Variants in NUFIP1 observed in about 807,000 individuals in gnomAD.
NUFIP1 encodes the protein FMR1-interacting protein NUFIP1.
A neutral mutation model predicts 56.2 loss-of-function variants in NUFIP1; 38 were observed. That is an observed-to-expected ratio of 0.68 (90% CI 0.52 to 0.89). The LOEUF is 0.89. Among genes scored for constraint, NUFIP1 ranks in the 40% least tolerant of loss-of-function variants. The probability of loss-of-function intolerance (pLI) is 0.00; values close to 1 mark genes in which losing one functional copy is unlikely to be tolerated. For missense variants in NUFIP1, 567 were observed against 605.8 expected, an observed-to-expected ratio of 0.94 and a Z score of 0.67; for synonymous variants, 215 against 212.4, an observed-to-expected ratio of 1.01 and a Z score of -0.10.
intron 5 of NUFIP1, among the ~76,000 whole-genome samples, chr13:44,966,646 C>A (rs1871612770): frequency 6.6e-6 from 1 of 152,022 alleles, no homozygotes; most frequent in South Asian, 2.1e-4. Context: ...CAAATACATG[C>A]TAGGTATATC....
intron 5 of NUFIP1, among the ~76,000 whole-genome samples, chr13:44,968,796 A>G (rs1023892408): frequency 6.6e-6 from 1 of 152,216 alleles, no homozygotes; most frequent in Non-Finnish European, 1.5e-5. Flanking sequence ...ACAGTGTACT[A>G]CGTACCAGAG....
chr13:44,981,044 T>C (rs1230440943), intron 2 of NUFIP1, among the ~76,000 whole-genome samples: 1 of 152,244 alleles, frequency 6.6e-6, no homozygotes, highest in Admixed American at 6.5e-5. Context: ...TTTTAAACTT[T>C]TTTAATCCAA....
rs1566053877 is a variant in NUFIP1 at position 44,940,362 on chromosome 13, C to CATG, written c.*843_*844insCAT. On this transcript the variant is annotated 3_prime_UTR_variant, in exon 10 of 10. Coordinates refer to ENST00000379161, the MANE Select transcript of NUFIP1 (RefSeq NM_012345.3). ...CTTTCTTACCTTTCTTCCTTGACAG[C>CATG]AAGATTCATGAACTTCAATAATCAC... 1 of 152,200 alleles carries CATG rather than the reference C, an allele frequency of 6.6e-6. No individual in the cohort carries two copies. The highest frequency in any genetic ancestry group is 1.5e-5 in the Non-Finnish European group (1 of 68,036). The allele number at this position is 152,200 out of a possible 1,614,324, so 9.4% of individuals were successfully genotyped here.
chr13:44,945,925 A>G (rs1870889999), intron 8 of NUFIP1, among the ~76,000 whole-genome samples: 1 of 152,102 alleles, frequency 6.6e-6, no homozygotes, highest in Non-Finnish European at 1.5e-5. Flanking sequence ...TGTAGAAATT[A>G]TATTTGAAAA....
chr13:44,959,197 C>T (rs1593361816), intron 7 of NUFIP1, among the ~76,000 whole-genome samples, 184 bp downstream of exon 7: 1 of 152,298 alleles, frequency 6.6e-6, no homozygotes, highest in East Asian at 1.9e-4. Context: ...CCACCCAAGA[C>T]TCAGAAAAGA....
At chr13:44,955,253 A>C (rs944796144) in intron 7 of NUFIP1, among the ~76,000 whole-genome samples, 1 of 152,246 alleles carries the variant, frequency 6.6e-6, no homozygotes, top group Non-Finnish European at 1.5e-5. Context: ...AATAAGCCAC[A>C]CTCAAAACTG....
chr13:44,954,587 CTT>C (rs1018307320), intron 7 of NUFIP1, among the ~76,000 whole-genome samples: 2 of 152,182 alleles, frequency 1.3e-5, no homozygotes, highest in African/African-American at 4.8e-5. Flanking sequence ...CTTCCTGTAA[CTT>C]ATTTCTTTAC....
At chr13:44,961,885 C>G (rs1871436627) in intron 6 of NUFIP1, among the ~76,000 whole-genome samples, 1 of 152,176 alleles carries the variant, frequency 6.6e-6, no homozygotes, top group Admixed American at 6.5e-5. Context: ...AGATCCTTCA[C>G]TAATGACATC....
intron 8 of NUFIP1, among the ~76,000 whole-genome samples, chr13:44,945,846 G>A (rs1870887245): frequency 6.6e-6 from 1 of 152,044 alleles, no homozygotes; most frequent in South Asian, 2.1e-4. Flanking sequence ...TAGAAGTTGG[G>A]AGACAGGGTT....
At position 44,989,343 on chromosome 13, in the gene NUFIP1, G is replaced by A. The variant is rs779232674; in HGVS notation, c.94C>T (p.Pro32Ser). ...CAGAACATCCAGCTGTCCCGCGGCG[G>A]GGCAGTGTCGCTCAGGGGCCCTAAC... ...PTLGPLSDTA[P>S]PRDSWMFWAM... The change falls in exon 1 of 10, where the codon CCG becomes TCG. Residue 32 changes from proline (P) to serine (S), a missense_variant. Coordinates refer to ENST00000379161, the MANE Select transcript of NUFIP1 (RefSeq NM_012345.3). 1 of 1,613,184 alleles carries A rather than the reference G, an allele frequency of 6.2e-7. No homozygotes were observed. Among genetic ancestry groups the A allele is most frequent in the Non-Finnish European group, 8.5e-7 (1 of 1,179,808 alleles).
intron 8 of NUFIP1, among the ~76,000 whole-genome samples, chr13:44,944,655 G>A (rs1293037086): frequency 6.6e-6 from 1 of 151,908 alleles, no homozygotes. Flanking sequence ...ACCTTGTGTT[G>A]GGCCATAAAA....
chr13:44,963,107 A>C (rs75876630), intron 6 of NUFIP1, among the ~76,000 whole-genome samples: 1 of 152,152 alleles, frequency 6.6e-6, no homozygotes, highest in African/African-American at 2.4e-5. Flanking sequence ...CAAAAAAAAA[A>C]CTTGCTGGAA....
chr13:44,974,635 T>C (rs1027851263), intron 5 of NUFIP1, among the ~76,000 whole-genome samples: 4 of 152,154 alleles, frequency 2.6e-5, no homozygotes, highest in Admixed American at 6.5e-5. Flanking sequence ...CACTGCAACC[T>C]CAAACTCCTG....
chr13:44,944,417 C>T (rs1310129457), intron 8 of NUFIP1, among the ~76,000 whole-genome samples: 1 of 152,050 alleles, frequency 6.6e-6, no homozygotes, highest in Non-Finnish European at 1.5e-5. Flanking sequence ...CAAAGAATAA[C>T]ACCTAAGAAC....
At chr13:44,961,460 A>T (rs1871421468) in intron 6 of NUFIP1, among the ~76,000 whole-genome samples, 1 of 152,256 alleles carries the variant, frequency 6.6e-6, no homozygotes, top group South Asian at 2.1e-4. Flanking sequence ...TTAAGCCCTT[A>T]ATAAATGGTA....
chr13:44,982,554 T>C (rs895764315), intron 1 of NUFIP1, among the ~76,000 whole-genome samples: 18 of 152,222 alleles, frequency 1.2e-4, no homozygotes, highest in South Asian at 8.3e-4. Flanking sequence ...ACTGTACTTT[T>C]CCATTCTTAT....
Position 44,989,453 on chromosome 13 carries a change from G to C in NUFIP1, c.-17C>G, listed in dbSNP as rs1276876734. 1.2e-6 allele frequency: 2 copies of C among 1,611,078 alleles called. No homozygotes were observed. The highest frequency in any genetic ancestry group is 8.5e-7 in the Non-Finnish European group (1 of 1,178,606). On this transcript the variant is annotated 5_prime_UTR_variant, in exon 1 of 10. Transcript: ENST00000379161. ...CTCAGCCATACCACTGGCGGGTCCG[G>C]AGTCTAGCACGCGACTGTGGAGCAA...
chr13:44,960,800 C>T lies in NUFIP1; in HGVS notation c.828-1226G>A, dbSNP rs764613840. 3.4e-4 allele frequency among the ~76,000 whole-genome samples: 51 copies of T among 152,130 alleles called. 1 individual carries two copies. The highest frequency in any genetic ancestry group is 5.1e-4 in the Non-Finnish European group (35 of 68,036). ...AGTATTGGCCGGGCGCGGTGGCTCA[C>T]GCCTTTAATTTCAGCACTTTGGGAG... is the stretch of plus-strand genomic sequence containing the variant. On this transcript the variant is annotated intron_variant, in intron 6 of 9. Transcript: ENST00000379161.
intron 7 of NUFIP1, among the ~76,000 whole-genome samples, chr13:44,957,830 G>A (rs926509728): frequency 5.9e-5 from 9 of 152,094 alleles, no homozygotes; most frequent in African/African-American, 2.2e-4. Context: ...ATTGCACAAA[G>A]TAAAAGATTT....
Sources: allele counts gnomAD v4.1 joint callset (sites outside exome capture counted in the v4.1 genomes callset), GRCh38; gene constraint gnomAD v4.1.1; transcripts MANE v1.5; gene names NCBI Gene and HGNC (gene_info 2026-07-23, HGNC 2026-07-21).